The following C12orf42 variants were observed in gnomAD, a reference collection of about 807,000 sequenced individuals.
C12orf42 encodes the protein chromosome 12 open reading frame 42, also known as uncharacterized protein C12orf42.
In C12orf42, 25 loss-of-function variants were observed where a neutral mutation model predicts 21.6. The ratio of observed to expected loss-of-function variants is 1.16; its 90% CI spans 0.84 to 1.62. C12orf42 has a LOEUF of 1.62. Among genes scored for constraint, C12orf42 ranks in the 40% most tolerant of loss-of-function variants. The probability of loss-of-function intolerance (pLI) is 0.00; values close to 1 mark genes in which losing one functional copy is unlikely to be tolerated. For missense variants in C12orf42, 483 were observed against 459.3 expected, an observed-to-expected ratio of 1.05 and a Z score of -0.47; for synonymous variants, 174 against 175.0, an observed-to-expected ratio of 0.99 and a Z score of 0.05.
chr12:103,421,064 A>G (rs2049854598), intron 2 of C12orf42, among the ~76,000 whole-genome samples: 1 of 152,146 alleles, frequency 6.6e-6, no homozygotes, highest in Non-Finnish European at 1.5e-5. Context: ...CACCAATATG[A>G]GAAGATTGTG....
At chr12:103,541,592 CTT>C in the C12orf42 span, among the ~76,000 whole-genome samples, 1 of 152,088 alleles carries the variant, frequency 6.6e-6, no homozygotes, top group South Asian at 2.1e-4. Context: ...TAATTAATGA[CTT>C]TTCCTGGTTT....
chr12:103,119,533 C>T, the C12orf42 span, among the ~76,000 whole-genome samples: 2 of 152,182 alleles, frequency 1.3e-5, no homozygotes, highest in African/African-American at 2.4e-5. Flanking sequence ...GGCTTGTAAG[C>T]GATAAGGGCT....
At chr12:103,512,746 G>A in the C12orf42 span, among the ~76,000 whole-genome samples, 1 of 152,170 alleles carries the variant, frequency 6.6e-6, no homozygotes, top group African/African-American at 2.4e-5. Flanking sequence ...GCTCATGCCT[G>A]TAATCCCAGC....
the C12orf42 span, among the ~76,000 whole-genome samples, chr12:103,085,960 C>T: frequency 6.6e-6 from 1 of 152,180 alleles, no homozygotes; most frequent in African/African-American, 2.4e-5. Context: ...ACAGAATGGT[C>T]TCCAAACCTT....
intron 4 of C12orf42, among the ~76,000 whole-genome samples, chr12:103,289,937 A>G (rs1211508445): frequency 6.6e-6 from 1 of 152,200 alleles, no homozygotes; most frequent in Non-Finnish European, 1.5e-5. Context: ...TGAGAAAACT[A>G]TGCAAAAAGT....
intron 1 of C12orf42, among the ~76,000 whole-genome samples, chr12:103,491,569 C>T (rs1357476746): frequency 2.0e-5 from 3 of 152,212 alleles, no homozygotes; most frequent in African/African-American, 7.2e-5. Flanking sequence ...CTGGCTTCTC[C>T]TTTTGCTTCC....
At chr12:103,334,638 C>T (rs1211078896) in intron 4 of C12orf42, among the ~76,000 whole-genome samples, 1 of 152,116 alleles carries the variant, frequency 6.6e-6, no homozygotes, top group Non-Finnish European at 1.5e-5. Context: ...ATCCCAGCCA[C>T]GATTTCCCCT....
the C12orf42 span, among the ~76,000 whole-genome samples, chr12:103,116,620 C>T: frequency 1.4e-3 from 214 of 152,214 alleles, 1 homozygote; most frequent in African/African-American, 4.7e-3. Flanking sequence ...AGTACTCTCA[C>T]CAATTTAGCT....
chr12:103,276,278 GA>G (rs879929441), intron 5 of C12orf42, among the ~76,000 whole-genome samples: 8 of 152,228 alleles, frequency 5.3e-5, no homozygotes, highest in Admixed American at 1.3e-4. Flanking sequence ...TATACTTAAT[GA>G]AAAAACTTTT....
chr12:103,351,661 C>T (rs992608468), intron 4 of C12orf42, among the ~76,000 whole-genome samples: 1 of 151,976 alleles, frequency 6.6e-6, no homozygotes, highest in Non-Finnish European at 1.5e-5. Flanking sequence ...AAGAAGAAGT[C>T]GGGTAGAACA....
At chr12:103,179,102 G>A in the C12orf42 span, among the ~76,000 whole-genome samples, 1 of 152,104 alleles carries the variant, frequency 6.6e-6, no homozygotes, top group African/African-American at 2.4e-5. Flanking sequence ...CTGCTTTTTG[G>A]GGCCTATTTT....
At chr12:103,465,861 G>T (rs908202699) in intron 2 of C12orf42, among the ~76,000 whole-genome samples, 1 of 152,142 alleles carries the variant, frequency 6.6e-6, no homozygotes, top group Non-Finnish European at 1.5e-5. Context: ...TAATCATGTG[G>T]TTTTTGTCTT....
At chr12:103,455,321 G>A (rs1952213321) in intron 2 of C12orf42, among the ~76,000 whole-genome samples, 1 of 152,146 alleles carries the variant, frequency 6.6e-6, no homozygotes. Flanking sequence ...AGTTTGTAAA[G>A]CCATGGCTCT....
the C12orf42 span, among the ~76,000 whole-genome samples, chr12:103,538,483 A>G: frequency 2.0e-5 from 3 of 152,254 alleles, no homozygotes; most frequent in Non-Finnish European, 4.4e-5. Flanking sequence ...GTGTCCATTT[A>G]GAGTTCACCA....
the C12orf42 span, among the ~76,000 whole-genome samples, chr12:103,098,132 A>G: frequency 6.6e-6 from 1 of 152,242 alleles, no homozygotes; most frequent in Non-Finnish European, 1.5e-5. Flanking sequence ...TCTATCTGCA[A>G]CTGCCAAAGG....
At chr12:103,458,216 C>T (rs1382084538) in intron 2 of C12orf42, among the ~76,000 whole-genome samples, 1 of 152,072 alleles carries the variant, frequency 6.6e-6, no homozygotes, top group African/African-American at 2.4e-5. Flanking sequence ...AATTATGAGA[C>T]ATTTCACATA....
At chr12:103,279,254 G>A (rs2136299211) in intron 4 of C12orf42, among the ~76,000 whole-genome samples, 1 of 152,248 alleles carries the variant, frequency 6.6e-6, no homozygotes. Flanking sequence ...CACACCAAAT[G>A]GGCAGGAGGA....
intron 2 of C12orf42, among the ~76,000 whole-genome samples, chr12:103,403,375 CAA>C (rs11313657): frequency 4.3e-4 from 38 of 89,210 alleles, no homozygotes; most frequent in South Asian, 6.5e-4. Flanking sequence ...GACTCCGTCT[CAA>C]AAAAAAAAAA....
At chr12:103,548,477 AC>A in the C12orf42 span, among the ~76,000 whole-genome samples, 6 of 152,234 alleles carry the variant, frequency 3.9e-5, no homozygotes, top group African/African-American at 1.4e-4. Context: ...ATGAAACTCG[AC>A]ATAAATAGAG....
Sources: allele counts gnomAD v4.1 joint callset (sites outside exome capture counted in the v4.1 genomes callset), GRCh38; gene constraint gnomAD v4.1.1; transcripts MANE v1.5; gene names NCBI Gene and HGNC (gene_info 2026-07-23, HGNC 2026-07-21).